NPAS3: variants seen among roughly 807,000 people sequenced by gnomAD.
The protein encoded by NPAS3 is neuronal PAS domain protein 3.
In NPAS3, 14 loss-of-function variants were observed where a neutral mutation model predicts 73.1. The ratio of observed to expected loss-of-function variants is 0.19; its 90% CI spans 0.13 to 0.30. The LOEUF (loss-of-function observed/expected upper bound fraction) is 0.30, where lower values mean the gene tolerates loss of function less well. Ranked by LOEUF, NPAS3 falls within the 10% of genes least tolerant of loss-of-function variation. The pLI is 1.00. For synonymous variants in NPAS3, 620 were observed against 541.5 expected, an observed-to-expected ratio of 1.14 and a Z score of -2.01; for missense variants, 1,096 against 1,250.0, an observed-to-expected ratio of 0.88 and a Z score of 1.86.
intron 7 of NPAS3, among the ~76,000 whole-genome samples, chr14:33,757,889 C>T (rs2062164509): frequency 6.6e-6 from 1 of 152,198 alleles, no homozygotes; most frequent in African/African-American, 2.4e-5. Context: ...TCCTTTTATT[C>T]ACCTTTTCAT....
chr14:33,605,585 T>C (rs1398684302), intron 5 of NPAS3, among the ~76,000 whole-genome samples: 1 of 152,152 alleles, frequency 6.6e-6, no homozygotes, highest in Non-Finnish European at 1.5e-5. Flanking sequence ...TTTTTACATA[T>C]GTAGCAATCA....
At chr14:33,541,096 GGTGTGTGTGT>G (rs140503260) in intron 4 of NPAS3, among the ~76,000 whole-genome samples, 28 of 142,858 alleles carry the variant, frequency 2.0e-4, no homozygotes, top group African/African-American at 5.2e-4. Flanking sequence ...TATGTTTAGA[GGTGTGTGTGT>G]GTGTGTGTGT....
rs572594050 is a variant in NPAS3, at chr14:33,239,685, G to A, written c.385+24259G>A. 3.7e-4 allele frequency among the ~76,000 whole-genome samples: 56 copies of A among 151,840 alleles called. 1 individual carries two copies. The highest frequency in any genetic ancestry group is 3.4e-3 in the Middle Eastern group (1 of 292). On this transcript the variant is annotated intron_variant, in intron 3 of 11. Coordinates refer to ENST00000356141, the Ensembl canonical transcript of NPAS3. ...CATCTGACTGCTGTCATAACCTATC[G>A]TTTTTAACATAAACATTATAGCTGC... is the stretch of plus-strand genomic sequence containing the variant.
At chr14:33,280,043 C>T (rs1485999063) in intron 3 of NPAS3, among the ~76,000 whole-genome samples, 1 of 152,118 alleles carries the variant, frequency 6.6e-6, no homozygotes, top group Non-Finnish European at 1.5e-5. Flanking sequence ...TGAAGGCAAG[C>T]GTGTATGCTG....
At chr14:33,656,123 A>G (rs2059139027) in intron 5 of NPAS3, among the ~76,000 whole-genome samples, 1 of 152,124 alleles carries the variant, frequency 6.6e-6, no homozygotes, top group Non-Finnish European at 1.5e-5. Context: ...ACTTTCCACA[A>G]CTAGACCTAC....
intron 4 of NPAS3, among the ~76,000 whole-genome samples, chr14:33,471,311 G>A (rs1594970456): frequency 6.6e-6 from 1 of 152,146 alleles, no homozygotes; most frequent in African/African-American, 2.4e-5. Context: ...CTTATTCACC[G>A]CTTTTTGCCA....
chr14:32,935,852 C>T (rs1047954219), upstream of NPAS3, among the ~76,000 whole-genome samples: 1 of 152,136 alleles, frequency 6.6e-6, no homozygotes, highest in African/African-American at 2.4e-5. Flanking sequence ...AAAATGTAAT[C>T]CACGAAAATG....
chr14:32,977,549 TAGAA>T (rs2037739027), intron 1 of NPAS3, among the ~76,000 whole-genome samples: 1 of 151,976 alleles, frequency 6.6e-6, no homozygotes, highest in African/African-American at 2.4e-5. Flanking sequence ...CTGGGCAACA[TAGAA>T]AGACCGTGTC....
chr14:33,709,109 C>A (rs1157556311), intron 6 of NPAS3, among the ~76,000 whole-genome samples: 1 of 152,200 alleles, frequency 6.6e-6, no homozygotes, highest in African/African-American at 2.4e-5. Context: ...TTCTCCACAA[C>A]ACCCAAGTGG....
chr14:33,129,528 A>G (rs2043556656), intron 2 of NPAS3, among the ~76,000 whole-genome samples: 1 of 152,152 alleles, frequency 6.6e-6, no homozygotes, highest in South Asian at 2.1e-4. Context: ...TATTAAGTTT[A>G]TGTGCTTGTA....
intron 4 of NPAS3, among the ~76,000 whole-genome samples, chr14:33,388,424 A>C (rs1487064579): frequency 2.0e-5 from 3 of 151,354 alleles, no homozygotes; most frequent in African/African-American, 7.3e-5. Flanking sequence ...TTTGGGCTTT[A>C]CCCCCAGGGA....
At chr14:33,772,955 G>C (rs560064860) in intron 7 of NPAS3, among the ~76,000 whole-genome samples, 1 of 152,120 alleles carries the variant, frequency 6.6e-6, no homozygotes, top group African/African-American at 2.4e-5. Flanking sequence ...GGGCGCCGAC[G>C]TGAAGGGTGA....
chr14:33,513,866 T>C (rs1006502043), intron 4 of NPAS3, among the ~76,000 whole-genome samples: 7 of 152,054 alleles, frequency 4.6e-5, no homozygotes, highest in African/African-American at 1.4e-4. Context: ...GAATGTATTT[T>C]TTCCCCATGG....
chr14:33,333,817 A>G (rs2044094460), intron 3 of NPAS3, among the ~76,000 whole-genome samples: 1 of 152,228 alleles, frequency 6.6e-6, no homozygotes, highest in Non-Finnish European at 1.5e-5. Flanking sequence ...AAACACTGGC[A>G]TGGCTTCAAG....
chr14:33,350,546 A>T (rs1169300150), intron 3 of NPAS3, among the ~76,000 whole-genome samples: 1 of 152,206 alleles, frequency 6.6e-6, no homozygotes, highest in Non-Finnish European at 1.5e-5. Flanking sequence ...GTGTATGCAA[A>T]TTGGTTCAAG....
chr14:33,790,838 T>A (rs1245547638), intron 9 of NPAS3, among the ~76,000 whole-genome samples: 2 of 152,180 alleles, frequency 1.3e-5, no homozygotes, highest in Non-Finnish European at 2.9e-5. Flanking sequence ...CTGGCTCATT[T>A]TTGGATTTTT....
chr14:33,334,166 T>G (rs1339775354), intron 3 of NPAS3, among the ~76,000 whole-genome samples: 1 of 152,222 alleles, frequency 6.6e-6, no homozygotes, highest in Non-Finnish European at 1.5e-5. Context: ...CCTACTGTTA[T>G]GTTCATATTT....
chr14:33,315,064 T>A (rs190380677), intron 3 of NPAS3, among the ~76,000 whole-genome samples: 6 of 151,870 alleles, frequency 4.0e-5, no homozygotes, highest in Non-Finnish European at 7.4e-5. Context: ...ACTGTAGGGG[T>A]ATAGAGAAAA....
chr14:33,732,917 T>C (rs1452094605), intron 6 of NPAS3, among the ~76,000 whole-genome samples: 1 of 152,052 alleles, frequency 6.6e-6, no homozygotes, highest in African/African-American at 2.4e-5. Flanking sequence ...TGGTCTCTAA[T>C]GTACCCTCTA....
Sources: allele counts gnomAD v4.1 joint callset (sites outside exome capture counted in the v4.1 genomes callset), GRCh38; gene constraint gnomAD v4.1.1; transcripts MANE v1.5; gene names NCBI Gene and HGNC (gene_info 2026-07-23, HGNC 2026-07-21).